Variants in MYO3B observed in about 807,000 individuals in gnomAD.
MYO3B encodes the protein myosin IIIB, also known as myosin-IIIb.
MYO3B carries 156 observed loss-of-function variants against 174.6 expected under a neutral mutation model. That is an observed-to-expected ratio of 0.89 (90% CI 0.78 to 1.02). The LOEUF (loss-of-function observed/expected upper bound fraction) is 1.02, where lower values mean the gene tolerates loss of function less well. MYO3B is among the 50% of genes least tolerant of loss of function. MYO3B has a pLI of 0.00. For synonymous variants in MYO3B, 563 were observed against 569.1 expected (o/e 0.99, Z 0.15); for missense variants, 1,632 against 1,639.4 (o/e 1.00, Z 0.08).
intron 8 of MYO3B, 36 bp downstream of exon 8, chr2:170,335,486 C>G (rs1383992251): frequency 6.6e-7 from 1 of 1,525,784 alleles, no homozygotes; most frequent in African/African-American, 1.4e-5. Flanking sequence ...GCCCATCTAG[C>G]AAGGCCTTGA....
At chr2:170,571,698 G>A (rs1692449194) in intron 32 of MYO3B, among the ~76,000 whole-genome samples, 1 of 152,186 alleles carries the variant, frequency 6.6e-6, no homozygotes. Flanking sequence ...AAAGCAGTGA[G>A]ATAGATGGGA....
At chr2:170,527,779 C>T (rs575431544) in intron 30 of MYO3B, among the ~76,000 whole-genome samples, 1 of 152,262 alleles carries the variant, frequency 6.6e-6, no homozygotes, top group African/African-American at 2.4e-5. Context: ...CCATAGGAAA[C>T]GTTTAGATGA....
intron 25 of MYO3B, among the ~76,000 whole-genome samples, chr2:170,476,572 C>T (rs1454434021): frequency 6.6e-6 from 1 of 152,012 alleles, no homozygotes; most frequent in Non-Finnish European, 1.5e-5. Flanking sequence ...CTCCAACTGC[C>T]CCTAGCAGAA....
intron 22 of MYO3B, among the ~76,000 whole-genome samples, chr2:170,410,760 A>G (rs2094541372): frequency 6.6e-6 from 1 of 152,124 alleles, no homozygotes; most frequent in African/African-American, 2.4e-5. Context: ...TGGTGGTTAC[A>G]TGTATGCTTG....
At chr2:170,617,116 A>T (rs1355847076) in intron 32 of MYO3B, among the ~76,000 whole-genome samples, 1 of 152,210 alleles carries the variant, frequency 6.6e-6, no homozygotes, top group Non-Finnish European at 1.5e-5. Context: ...CCACAAAATG[A>T]ACAGTTTGAA....
intron 27 of MYO3B, 85 bp downstream of exon 27, chr2:170,499,893 A>C: frequency 7.4e-7 from 1 of 1,345,052 alleles, no homozygotes; most frequent in Non-Finnish European, 1.0e-6. Flanking sequence ...TTCTCTTCTA[A>C]GTGGTTTCCC....
intron 7 of MYO3B, among the ~76,000 whole-genome samples, chr2:170,328,141 ATCTGCCCGCCTCAGCCTC>A: frequency 6.6e-6 from 1 of 151,982 alleles, no homozygotes; most frequent in Non-Finnish European, 1.5e-5. Flanking sequence ...AGCTGAAGTG[ATCTGCCCGCCTCAGCCTC>A]TCAAAGTGCT....
At chr2:170,539,915 C>A (rs74577492) in intron 30 of MYO3B, among the ~76,000 whole-genome samples, 1,566 of 152,256 alleles carry the variant, frequency 0.01, 28 homozygotes, top group African/African-American at 0.035. Context: ...AGCCATCACA[C>A]CCAGCAACAA....
At chr2:170,442,319 G>T (rs1432486897) in intron 22 of MYO3B, among the ~76,000 whole-genome samples, 1 of 152,022 alleles carries the variant, frequency 6.6e-6, no homozygotes, top group East Asian at 1.9e-4. Context: ...ATAATAGCAG[G>T]TATGTAGAGC....
At chr2:170,625,154 C>T (rs919245093) in intron 32 of MYO3B, among the ~76,000 whole-genome samples, 1 of 152,178 alleles carries the variant, frequency 6.6e-6, no homozygotes, top group Non-Finnish European at 1.5e-5. Context: ...CCAGCTCCTC[C>T]TTGTACCTCT....
At chr2:170,588,156 G>A (rs143683526) in intron 32 of MYO3B, among the ~76,000 whole-genome samples, 3 of 152,042 alleles carry the variant, frequency 2.0e-5, no homozygotes, top group East Asian at 3.9e-4. Context: ...CACAAGACAG[G>A]CTTGGTGACT....
chr2:170,636,476 A>C (rs6713308), intron 32 of MYO3B, among the ~76,000 whole-genome samples: 31,983 of 151,368 alleles, frequency 0.21, 4,247 homozygotes, highest in East Asian at 0.45. Flanking sequence ...CTGTCAGAGA[A>C]CCTTAGTCTC....
chr2:170,236,606 C>T (rs567909507), intron 7 of MYO3B, among the ~76,000 whole-genome samples: 1 of 152,176 alleles, frequency 6.6e-6, no homozygotes, highest in African/African-American at 2.4e-5. Context: ...CCTTAATTTC[C>T]GTCTCAGTGG....
At position 170,410,582 on chromosome 2, in the gene MYO3B, CA is replaced by C. The variant is rs2094539395; in HGVS notation, c.2650+2747del. On this transcript the variant is annotated intron_variant, in intron 22 of 34. Transcript: ENST00000408978. ...GGAACAGTGCAAGACTCCGTCTCAACAAAAAAAAAGAAAAAAAAAAAAAAAA... is the reference window on the plus strand; with the variant it reads ...GGAACAGTGCAAGACTCCGTCTCAACAAAAAAAAGAAAAAAAAAAAAAAAA... 9.5e-3 allele frequency among the ~76,000 whole-genome samples: 338 copies of C among 35,464 alleles called. 2 individuals carry two copies. Among genetic ancestry groups the C allele is most frequent in the Admixed American group, 0.022 (78 of 3,478 alleles). 23.3% of individuals were successfully genotyped at this position (35,464 alleles called of 152,430 possible). A position where few individuals can be genotyped will look rare whatever the true frequency, so the allele number is the denominator to read the frequency against.
At chr2:170,564,823 T>C (rs751230778) in intron 32 of MYO3B, among the ~76,000 whole-genome samples, 7 of 152,170 alleles carry the variant, frequency 4.6e-5, no homozygotes, top group Non-Finnish European at 1.0e-4. Context: ...AAGTATTTAA[T>C]GTGTGGAAGA....
At chr2:170,485,307 A>G (rs1011831052) in intron 25 of MYO3B, among the ~76,000 whole-genome samples, 2 of 151,808 alleles carry the variant, frequency 1.3e-5, no homozygotes, top group African/African-American at 2.4e-5. Flanking sequence ...TTTCTTTTCC[A>G]TATCCCTAAT....
intron 1 of MYO3B, among the ~76,000 whole-genome samples, chr2:170,182,344 G>T (rs2092411048): frequency 6.6e-6 from 1 of 152,086 alleles, no homozygotes; most frequent in South Asian, 2.1e-4. Flanking sequence ...CAGCCAGCAA[G>T]TTAAGCCAGC....
intron 25 of MYO3B, among the ~76,000 whole-genome samples, chr2:170,471,806 A>T (rs1030088733): frequency 6.6e-6 from 1 of 152,170 alleles, no homozygotes; most frequent in African/African-American, 2.4e-5. Context: ...AGCCTGATTA[A>T]CGTGGAGAAA....
intron 32 of MYO3B, 139 bp downstream of exon 32, chr2:170,544,127 C>A: frequency 1.8e-6 from 1 of 566,660 alleles, no homozygotes; most frequent in South Asian, 2.2e-5. Context: ...GCCATACATG[C>A]TGGATGTAAA....
Sources: allele counts gnomAD v4.1 joint callset (sites outside exome capture counted in the v4.1 genomes callset), GRCh38; gene constraint gnomAD v4.1.1; transcripts MANE v1.5; gene names NCBI Gene and HGNC (gene_info 2026-07-23, HGNC 2026-07-21).